Variants in TMEM260 observed in about 807,000 individuals in gnomAD.
TMEM260 encodes protein O-mannosyl-transferase TMEM260.
TMEM260 carries 82 observed loss-of-function variants against 88.9 expected under a neutral mutation model. The observed-to-expected ratio is 0.92, with a 90% CI of 0.77 to 1.11. The LOEUF (loss-of-function observed/expected upper bound fraction) is 1.11, where lower values mean the gene tolerates loss of function less well. Ranked by LOEUF, TMEM260 falls within the 50% of genes least tolerant of loss-of-function variation. The pLI, the probability that TMEM260 is intolerant of heterozygous loss-of-function variation, is 0.00. For synonymous variants in TMEM260, 314 were observed against 309.3 expected (o/e 1.02, Z -0.16); for missense variants, 902 against 853.4 (o/e 1.06, Z -0.71).
chr14:56,590,569 G>A (rs1326714554), intron 3 of TMEM260, among the ~76,000 whole-genome samples: 1 of 152,162 alleles, frequency 6.6e-6, no homozygotes, highest in Non-Finnish European at 1.5e-5. Flanking sequence ...CAGAATGTGC[G>A]GAAGTCATAG....
At chr14:56,595,254 T>C (rs1212830120) in intron 3 of TMEM260, among the ~76,000 whole-genome samples, 1 of 152,228 alleles carries the variant, frequency 6.6e-6, no homozygotes, top group Non-Finnish European at 1.5e-5. Context: ...TTTGAATTTC[T>C]GCACAGGTAA....
intron 3 of TMEM260, among the ~76,000 whole-genome samples, chr14:56,592,627 GA>G (rs1885935265): frequency 1.3e-5 from 2 of 152,162 alleles, no homozygotes; most frequent in Non-Finnish European, 2.9e-5. Flanking sequence ...CTAGGACCCA[GA>G]AAGATAAGAA....
intron 3 of TMEM260, among the ~76,000 whole-genome samples, chr14:56,591,664 T>C (rs2139515254): frequency 6.6e-6 from 1 of 152,346 alleles, no homozygotes; most frequent in South Asian, 2.1e-4. Flanking sequence ...TATATGTTTT[T>C]ATACATTTTA....
intron 13 of TMEM260, among the ~76,000 whole-genome samples, chr14:56,634,408 A>G (rs17091854): frequency 7.2e-5 from 11 of 152,192 alleles, no homozygotes; most frequent in Non-Finnish European, 1.5e-4. Flanking sequence ...GATTAAGAAG[A>G]TATTTACCAA....
intron 3 of TMEM260, among the ~76,000 whole-genome samples, chr14:56,603,239 T>G (rs1444119364): frequency 8.4e-6 from 1 of 119,186 alleles, no homozygotes; most frequent in Non-Finnish European, 1.9e-5. Context: ...AGTTTTAACT[T>G]CACCGTTGTC....
chr14:56,616,895 A>C (rs895608400), intron 8 of TMEM260, among the ~76,000 whole-genome samples: 1 of 152,074 alleles, frequency 6.6e-6, no homozygotes, highest in South Asian at 2.1e-4. Context: ...AAATGTTTCT[A>C]TTTTGCCTGT....
At chr14:56,611,209 G>A (rs187229734) in intron 6 of TMEM260, among the ~76,000 whole-genome samples, 54 of 151,686 alleles carry the variant, frequency 3.6e-4, no homozygotes, top group East Asian at 1.2e-3. Flanking sequence ...CTTGTGATCC[G>A]CCCACCTCGG....
intron 9 of TMEM260, 102 bp from the exon 10 acceptor site, chr14:56,618,492 C>T (rs747617902): frequency 9.5e-7 from 1 of 1,048,996 alleles, no homozygotes; most frequent in Non-Finnish European, 1.4e-6. Context: ...ACAACAGGCA[C>T]ACACAACTAG....
intron 5 of TMEM260, among the ~76,000 whole-genome samples, chr14:56,607,246 C>T (rs1359272955): frequency 6.6e-6 from 1 of 152,146 alleles, no homozygotes; most frequent in Non-Finnish European, 1.5e-5. Flanking sequence ...GCCAGACTTC[C>T]GACCTGAACA....
Position 56,609,123 on chromosome 14 carries a change from T to C in TMEM260, c.654T>C (p.Ser218=), listed in dbSNP as rs1887092928. ...TGATGCAGGAACTCTCCCTGGGCTCTTTGTTGAAGTTGAGCCTGTACTTCT... is the reference window on the plus strand; with the variant it reads ...TGATGCAGGAACTCTCCCTGGGCTCCTTGTTGAAGTTGAGCCTGTACTTCT... ...LLKKKELSLG[S]LLKLSLYFSA... The change falls in exon 6 of 16, where the codon TCT becomes TCC. Residue 218 remains serine (S), a synonymous_variant. Coordinates refer to ENST00000261556, the MANE Select transcript of TMEM260 (RefSeq NM_017799.4). The C allele has an allele frequency of 6.2e-7, 1 of 1,614,066 alleles. No individual in the cohort carries two copies. Among genetic ancestry groups the C allele is most frequent in the Admixed American group, 1.7e-5 (1 of 60,000 alleles).
intron 1 of TMEM260, among the ~76,000 whole-genome samples, 180 bp downstream of exon 1, chr14:56,580,254 T>C (rs1479880175): frequency 6.6e-6 from 1 of 152,210 alleles, no homozygotes. Context: ...ATTCCTGTCG[T>C]TGTGGTTTCT....
chr14:56,643,926 A>C (rs1375936512), intron 15 of TMEM260, among the ~76,000 whole-genome samples: 1 of 152,144 alleles, frequency 6.6e-6, no homozygotes, highest in Non-Finnish European at 1.5e-5. Flanking sequence ...AGAGAATAAA[A>C]TACCTAGGAA....
chr14:56,639,781 A>T (rs1889426425), intron 15 of TMEM260, among the ~76,000 whole-genome samples: 1 of 152,158 alleles, frequency 6.6e-6, no homozygotes, highest in African/African-American at 2.4e-5. Context: ...GGTCACTCCC[A>T]CCCTAATACT....
rs1890038669 is a variant in TMEM260 at position 56,647,447 on chromosome 14, A to G, written c.2074A>G (p.Lys692Glu). Reference sequence around the variant, plus strand: ...GCAAGCTGATATTTTAGGTGCTCTAAAGCACCTAAGAAAAGAACTGCAAAG... The same window carrying G: ...GCAAGCTGATATTTTAGGTGCTCTAGAGCACCTAAGAAAAGAACTGCAAAG... ...PQQADILGAL[K>E]HLRKELQSLR... Residue 692 changes from lysine (K) to glutamate (E), a missense_variant, in exon 16 of 16, where the codon AAG (lysine) becomes GAG (glutamate). Lys to Glu is a moderately conservative substitution (Grantham distance 56, BLOSUM62 1). Coordinates refer to ENST00000261556, the MANE Select transcript of TMEM260 (RefSeq NM_017799.4). 4 of 1,613,396 alleles carry G rather than the reference A, an allele frequency of 2.5e-6. No individual in the cohort carries two copies. The East Asian group carries it at 8.9e-5, about 36-fold the overall frequency.
rs1887911412 is a variant in TMEM260 at position 56,621,462 on chromosome 14, A to G, written c.1227-69A>G. ...TGATGGGAAAAGAATGGCATAGAAA[A>G]TAAGCCTAGTCTTATTAAAACTGTA... On this transcript the variant is annotated intron_variant, in intron 10 of 15. Transcript: ENST00000261556. The G allele has an allele frequency of 2.2e-5, 26 of 1,181,470 alleles. No individual in the cohort carries two copies. The South Asian group carries it at 4.4e-4, about 20-fold the overall frequency. The allele number at this position is 1,181,470 out of a possible 1,614,324, so 73.2% of individuals were successfully genotyped here. A position where few individuals can be genotyped will look rare whatever the true frequency, so the allele number is the denominator to read the frequency against.
At chr14:56,596,357 GAC>G (rs200916514) in intron 3 of TMEM260, among the ~76,000 whole-genome samples, 7 of 144,010 alleles carry the variant, frequency 4.9e-5, no homozygotes, top group Non-Finnish European at 7.5e-5. Flanking sequence ...TTTTTCTAGG[GAC>G]ACACACACAT....
Position 56,579,848 on chromosome 14 carries a change from G to A in TMEM260, c.-67G>A. ...CACAAGCTGCGCTCGTCTCTCGGCT[G>A]GGGAGCTCCGTGTCGCACCGGGTTC... On this transcript the variant is annotated 5_prime_UTR_variant, in exon 1 of 16. Coordinates refer to ENST00000261556, the MANE Select transcript of TMEM260 (RefSeq NM_017799.4). 8.2e-7 allele frequency: 1 copy of A among 1,220,036 alleles called. No individual in the cohort carries two copies. Among genetic ancestry groups the A allele is most frequent in the Non-Finnish European group, 1.0e-6 (1 of 977,456 alleles). The allele number at this position is 1,220,036 out of a possible 1,614,324, so 75.6% of individuals were successfully genotyped here. A position where few individuals can be genotyped will look rare whatever the true frequency, so the allele number is the denominator to read the frequency against.
chr14:56,646,516 C>T (rs899214039), intron 15 of TMEM260, among the ~76,000 whole-genome samples: 1 of 152,098 alleles, frequency 6.6e-6, no homozygotes, highest in Non-Finnish European at 1.5e-5. Context: ...TTTGATGTTT[C>T]CTGTAGAAAA....
chr14:56,596,381 A>AGTGTGT (rs376857460), intron 3 of TMEM260, among the ~76,000 whole-genome samples: 1,704 of 126,556 alleles, frequency 0.013, 28 homozygotes, highest in East Asian at 0.082. Context: ...TATATGTGAG[A>AGTGTGT]GTGTGTGTGT....
Sources: gnomAD v4.1 joint callset for allele counts (sites outside exome capture counted in the v4.1 genomes callset) on GRCh38, gnomAD v4.1.1 for gene constraint, MANE v1.5 for transcripts, NCBI Gene and HGNC (gene_info 2026-07-23, HGNC 2026-07-21) for gene names.